The following RBMS1 variants were observed in gnomAD, a reference collection of about 807,000 sequenced individuals.
RBMS1 encodes RNA-binding motif, single-stranded-interacting protein 1.
Under a neutral mutation model 62.3 loss-of-function variants are expected in RBMS1, and 17 were observed. The observed-to-expected ratio is 0.27, with a 90% CI of 0.19 to 0.41. The LOEUF is 0.41. Among genes scored for constraint, RBMS1 ranks in the 10% least tolerant of loss-of-function variants. The pLI, the probability that RBMS1 is intolerant of heterozygous loss-of-function variation, is 1.00. For missense variants in RBMS1, 334 were observed against 504.5 expected (o/e 0.66, Z 3.24); for synonymous variants, 172 against 170.0 (o/e 1.01, Z -0.09).
intron 6 of RBMS1, among the ~76,000 whole-genome samples, chr2:160,295,490 C>A (rs917109698): frequency 6.6e-6 from 1 of 152,216 alleles, no homozygotes; most frequent in African/African-American, 2.4e-5. Flanking sequence ...AAAAACTGTA[C>A]CCCTGCAGTA....
intron 10 of RBMS1, among the ~76,000 whole-genome samples, chr2:160,280,362 C>T (rs716614): frequency 0.25 from 37,710 of 152,170 alleles, 5,435 homozygotes; most frequent in East Asian, 0.53. Context: ...TCTCCTATTT[C>T]ATCACCTAAA....
At chr2:160,276,871 T>C (rs1687864079) in intron 12 of RBMS1, among the ~76,000 whole-genome samples, 1 of 152,218 alleles carries the variant, frequency 6.6e-6, no homozygotes, top group Non-Finnish European at 1.5e-5. Context: ...TGAAAGGCAC[T>C]ATAGGCTTAG....
At chr2:160,299,806 G>T (rs78583542) in intron 6 of RBMS1, among the ~76,000 whole-genome samples, 2,346 of 152,284 alleles carry the variant, frequency 0.015, 43 homozygotes, top group Non-Finnish European at 0.02. Context: ...GGACTGAGCA[G>T]GCTGGGGAAA....
intron 1 of RBMS1, among the ~76,000 whole-genome samples, chr2:160,449,146 C>G (rs1325215934): frequency 2.0e-5 from 3 of 152,008 alleles, no homozygotes; most frequent in African/African-American, 4.8e-5. Context: ...GGCAGCCGCC[C>G]CCACTGGGAA....
chr2:160,301,960 TAC>T (rs1408663814), intron 5 of RBMS1, among the ~76,000 whole-genome samples: 1 of 152,230 alleles, frequency 6.6e-6, no homozygotes, highest in East Asian at 1.9e-4. Context: ...TTAAAATATA[TAC>T]ACATTATTTG....
At chr2:160,465,508 C>T (rs1414280905) in intron 1 of RBMS1, among the ~76,000 whole-genome samples, 1 of 152,128 alleles carries the variant, frequency 6.6e-6, no homozygotes, top group African/African-American at 2.4e-5. Context: ...ACCTAAGTAT[C>T]TCTTACTCTC....
intron 2 of RBMS1, among the ~76,000 whole-genome samples, chr2:160,354,110 G>GGACCT (rs1692665973): frequency 6.6e-6 from 1 of 152,016 alleles, no homozygotes; most frequent in Non-Finnish European, 1.5e-5. Context: ...ATCTATAGAA[G>GGACCT]GACCTGACAT....
chr2:160,490,931 G>A (rs1472760077), intron 1 of RBMS1, among the ~76,000 whole-genome samples: 2 of 152,086 alleles, frequency 1.3e-5, no homozygotes, highest in Admixed American at 6.6e-5. Flanking sequence ...CCATATTTTC[G>A]GAAGGTTAAA....
intron 1 of RBMS1, among the ~76,000 whole-genome samples, chr2:160,434,433 C>G (rs1392683942): frequency 6.6e-6 from 1 of 151,840 alleles, no homozygotes; most frequent in Non-Finnish European, 1.5e-5. Flanking sequence ...TTTCCCCCCA[C>G]ATTGCTCACC....
chr2:160,449,570 G>C (rs531657796), intron 1 of RBMS1, among the ~76,000 whole-genome samples: 1 of 152,168 alleles, frequency 6.6e-6, no homozygotes, highest in African/African-American at 2.4e-5. Context: ...TCCACTCAGG[G>C]TTAAACGGAT....
intron 1 of RBMS1, among the ~76,000 whole-genome samples, chr2:160,368,211 C>G (rs927626132): frequency 6.6e-6 from 1 of 152,184 alleles, no homozygotes; most frequent in Non-Finnish European, 1.5e-5. Flanking sequence ...TTAAATGGCT[C>G]AGCTTGAGAC....
chr2:160,347,714 T>C (rs550298710), intron 2 of RBMS1, among the ~76,000 whole-genome samples: 14 of 152,234 alleles, frequency 9.2e-5, no homozygotes, highest in African/African-American at 2.9e-4. Context: ...TTTACTGATC[T>C]CTAACACCAT....
At position 160,477,211 on chromosome 2, in the gene RBMS1, G is replaced by C. The variant is rs554889973; in HGVS notation, c.75+16078C>G. ...AATTGCATGTATCTAGCAGGGCGTG[G>C]TGGCGCATGCCTGTGGTCTCAGCTA... On this transcript the variant is annotated intron_variant, in intron 1 of 13. Coordinates refer to ENST00000348849, the MANE Select transcript of RBMS1 (RefSeq NM_016836.4). 1.3e-4 allele frequency among the ~76,000 whole-genome samples: 20 copies of C among 152,288 alleles called. No homozygotes were observed. In the South Asian group the frequency reaches 4.1e-3, roughly 32 times the overall value.
chr2:160,416,625 C>A (rs1165056331), intron 1 of RBMS1, among the ~76,000 whole-genome samples: 2 of 152,094 alleles, frequency 1.3e-5, no homozygotes, highest in Non-Finnish European at 2.9e-5. Context: ...TTTTTTTGAA[C>A]AGGTAGATAC....
At chr2:160,492,357 T>C (rs1437851444) in intron 1 of RBMS1, among the ~76,000 whole-genome samples, 3 of 152,068 alleles carry the variant, frequency 2.0e-5, no homozygotes. Context: ...ATTCTTATTG[T>C]AAAAATAAGA....
At chr2:160,335,156 A>G (rs566026124) in intron 2 of RBMS1, among the ~76,000 whole-genome samples, 83 of 152,284 alleles carry the variant, frequency 5.5e-4, no homozygotes, top group Non-Finnish European at 9.6e-4. Context: ...TGGTGGACCT[A>G]TCCACCACTT....
At chr2:160,439,504 G>A (rs1402454237) in intron 1 of RBMS1, among the ~76,000 whole-genome samples, 4 of 151,874 alleles carry the variant, frequency 2.6e-5, no homozygotes, top group East Asian at 2.0e-4. Flanking sequence ...GATGGCGGCC[G>A]GGAGGAGGCG....
intron 1 of RBMS1, among the ~76,000 whole-genome samples, chr2:160,398,369 C>G: frequency 6.6e-6 from 1 of 152,134 alleles, no homozygotes; most frequent in Non-Finnish European, 1.5e-5. Flanking sequence ...TGCCATATAA[C>G]AATGTGTTTG....
intron 1 of RBMS1, among the ~76,000 whole-genome samples, chr2:160,448,328 T>C (rs1345773924): frequency 1.5e-5 from 2 of 136,358 alleles, no homozygotes; most frequent in African/African-American, 5.4e-5. Flanking sequence ...CTTTGCACGG[T>C]CTCCCTCTGA....
Sources: allele counts gnomAD v4.1 joint callset (sites outside exome capture counted in the v4.1 genomes callset), GRCh38; gene constraint gnomAD v4.1.1; transcripts MANE v1.5; gene names NCBI Gene and HGNC (gene_info 2026-07-23, HGNC 2026-07-21).